ESR1: variants seen among roughly 807,000 people sequenced by gnomAD.
The protein encoded by ESR1 is estrogen receptor 1.
Under a neutral mutation model 52.7 loss-of-function variants are expected in ESR1, and 12 were observed. The observed-to-expected ratio is 0.23, with a 90% CI of 0.15 to 0.37. The LOEUF is 0.37. Ranked by LOEUF, ESR1 falls within the 10% of genes least tolerant of loss-of-function variation. ESR1 has a pLI of 1.00. For missense variants in ESR1, 584 were observed against 779.7 expected (o/e 0.75, Z 2.99); for synonymous variants, 305 against 316.8 (o/e 0.96, Z 0.39).
intron 4 of ESR1, among the ~76,000 whole-genome samples, chr6:151,980,677 T>G (rs181835454): frequency 1.3e-5 from 2 of 152,250 alleles, no homozygotes; most frequent in East Asian, 3.9e-4. Context: ...TTCAGATAGA[T>G]GAACTTTGCA....
At chr6:152,125,431 T>C in exon 7 of ESR1, 1 of 1,476,740 alleles carries the variant, frequency 6.8e-7, no homozygotes, top group South Asian at 1.4e-5. Flanking sequence ...TTTGAGGCAG[T>C]TACATGACCA....
At chr6:151,741,915 C>T (rs563999779) in intron 2 of ESR1, among the ~76,000 whole-genome samples, 1 of 152,244 alleles carries the variant, frequency 6.6e-6, no homozygotes, top group African/African-American at 2.4e-5. Context: ...AGCCTTTGAT[C>T]TACATCTTCT....
Position 151,944,502 on chromosome 6 carries a change from G to T in ESR1, c.1090G>T (p.Val364Leu). 6.2e-7 allele frequency: 1 copy of T among 1,614,174 alleles called. No individual in the cohort carries two copies. The highest frequency in any genetic ancestry group is 8.5e-7 in the Non-Finnish European group (1 of 1,180,004). ...LVHMINWAKR[V>L]PGFVDLTLHD... ...TCACATGATCAACTGGGCGAAGAGG[G>T]TGCCAGGTAAGAATGCGAAGCGCAG... Residue 364 changes from valine (V) to leucine (L), a missense_variant, in exon 4 of 8, where the codon GTG (valine) becomes TTG (leucine). Physicochemically the swap from Val to Leu is conservative, Grantham distance 32. This residue lies in a region of ESR1 where 141 missense variants were observed against 289.3 expected (regional missense o/e 0.49). Coordinates refer to ENST00000206249, the MANE Select transcript of ESR1 (RefSeq NM_000125.4).
chr6:152,044,468 G>T lies in ESR1; in HGVS notation c.1236-16523G>T, dbSNP rs370742761. On this transcript the variant is annotated intron_variant, in intron 5 of 7. Coordinates refer to ENST00000206249, the MANE Select transcript of ESR1 (RefSeq NM_000125.4). The stretch of plus-strand genomic sequence containing the variant: ...AAAAGGCAGTTTATTAAGGAGAATT[G>T]ACTCACACAATCACAAGGTGAAGTC... Among the ~76,000 whole-genome samples, 63 of 152,286 alleles carry T rather than the reference G, an allele frequency of 4.1e-4. 2 individuals are homozygous for T. In the South Asian group the frequency reaches 0.012, roughly 30 times the overall value.
At chr6:151,934,033 G>T (rs1405271331) in intron 3 of ESR1, among the ~76,000 whole-genome samples, 1 of 152,196 alleles carries the variant, frequency 6.6e-6, no homozygotes. Context: ...ATCTCTTTCA[G>T]AGTATAATGC....
intron 5 of ESR1, among the ~76,000 whole-genome samples, chr6:152,035,640 T>TA (rs1350622916): frequency 6.6e-6 from 1 of 152,018 alleles, no homozygotes; most frequent in Non-Finnish European, 1.5e-5. Context: ...AGAGATGGGG[T>TA]AAAAAACTAT....
intron 2 of ESR1, among the ~76,000 whole-genome samples, chr6:151,880,284 G>A (rs1792642319): frequency 1.3e-5 from 2 of 148,154 alleles, no homozygotes; most frequent in South Asian, 2.2e-4. Context: ...CCGGGTTCAA[G>A]CGATTCTCCT....
chr6:151,882,514 T>A (rs1324325866), intron 3 of ESR1, among the ~76,000 whole-genome samples: 1 of 152,236 alleles, frequency 6.6e-6, no homozygotes, highest in African/African-American at 2.4e-5. Context: ...TTAATTAAAC[T>A]TACAAAATGC....
In ESR1 at chr6:151,819,995, T is replaced by C. The variant is rs1443645158; in HGVS notation, c.452+11631T>C. 3.9e-5 allele frequency among the ~76,000 whole-genome samples: 6 copies of C among 152,152 alleles called. No individual in the cohort carries two copies. The East Asian group carries it at 1.2e-3, about 29-fold the overall frequency. ...AACATTGTCATCAAGGAGTTTATGG[T>C]TGAGTGAGGGAGATGACAAGTGGAT... On this transcript the variant is annotated intron_variant, in intron 1 of 7. Coordinates refer to ENST00000206249, the MANE Select transcript of ESR1 (RefSeq NM_000125.4).
At chr6:151,816,915 A>C (rs1264167983) in intron 1 of ESR1, among the ~76,000 whole-genome samples, 1 of 152,166 alleles carries the variant, frequency 6.6e-6, no homozygotes, top group African/African-American at 2.4e-5. Context: ...ACTCCAAATC[A>C]GTAAAAATTA....
intron 5 of ESR1, among the ~76,000 whole-genome samples, chr6:152,052,722 G>A (rs1181428347): frequency 1.3e-5 from 2 of 152,110 alleles, no homozygotes; most frequent in Non-Finnish European, 2.9e-5. Flanking sequence ...GACCCAATCT[G>A]TGCCTTGAAA....
intron 2 of ESR1, among the ~76,000 whole-genome samples, chr6:151,710,378 A>G (rs984634130): frequency 6.6e-6 from 1 of 152,160 alleles, no homozygotes; most frequent in African/African-American, 2.4e-5. Flanking sequence ...ATGGCAGATG[A>G]AATAGACTTT....
At chr6:151,859,447 G>GA (rs5880947) in intron 2 of ESR1, among the ~76,000 whole-genome samples, 70,425 of 151,992 alleles carry the variant, frequency 0.46, 17,212 homozygotes, top group African/African-American at 0.64. Context: ...GGGTAAAAGA[G>GA]AGGAATGGAT....
intron 6 of ESR1, among the ~76,000 whole-genome samples, chr6:152,075,818 A>AT (rs890029360): frequency 1.3e-5 from 2 of 151,738 alleles, no homozygotes; most frequent in Non-Finnish European, 2.9e-5. Flanking sequence ...ATCGTATGTC[A>AT]TTTTTTTTCT....
chr6:151,903,151 A>AT (rs369893666), intron 3 of ESR1, among the ~76,000 whole-genome samples: 18 of 151,940 alleles, frequency 1.2e-4, no homozygotes, highest in African/African-American at 3.9e-4. Flanking sequence ...ATTTTTAGTA[A>AT]TTTTTTTTAT....
chr6:151,799,162 G>C (rs1776991884), intron 2 of ESR1, among the ~76,000 whole-genome samples: 1 of 152,210 alleles, frequency 6.6e-6, no homozygotes, highest in Admixed American at 6.5e-5. Flanking sequence ...TCTACCCAGA[G>C]AGGCTGAGGG....
chr6:151,865,976 C>T (rs551545303), intron 2 of ESR1, among the ~76,000 whole-genome samples: 6 of 152,326 alleles, frequency 3.9e-5, no homozygotes, highest in East Asian at 1.9e-4. Context: ...CTCCTGCCAG[C>T]GCAGTATGAC....
At position 151,842,553 on chromosome 6, in the gene ESR1, T is replaced by G. The variant is rs1179192140; in HGVS notation, c.453-44T>G. The G allele has an allele frequency of 3.2e-6, 5 of 1,561,460 alleles. No homozygotes were observed. The South Asian group carries it at 4.6e-5, about 14-fold the overall frequency. On this transcript the variant is annotated intron_variant, in intron 1 of 7. Transcript: ENST00000206249. ...CTGCATCTCCCAGAGAGTGCATGTT[T>G]TGCTTTTCTAATGTTAATGGATTTA...
At chr6:152,119,095 A>T (rs1179670137) in intron 6 of ESR1, among the ~76,000 whole-genome samples, 1 of 152,206 alleles carries the variant, frequency 6.6e-6, no homozygotes. Flanking sequence ...TTTTCTGGAC[A>T]CGATTAGCTT....
Sources: gnomAD v4.1 joint callset for allele counts (sites outside exome capture counted in the v4.1 genomes callset) on GRCh38, gnomAD v4.1.1 for gene constraint, gnomAD v4.1.1 regional missense constraint, MANE v1.5 for transcripts, NCBI Gene and HGNC (gene_info 2026-07-23, HGNC 2026-07-21) for gene names.